Variants in HEY1 observed in about 807,000 individuals in gnomAD.
The protein encoded by HEY1 is hairy/enhancer-of-split related with YRPW motif protein 1.
Under a neutral mutation model 28.7 loss-of-function variants are expected in HEY1, and 9 were observed. That is an observed-to-expected ratio of 0.31 (90% CI 0.19 to 0.55). The LOEUF (loss-of-function observed/expected upper bound fraction) is 0.55. Among genes scored for constraint, HEY1 ranks in the 20% least tolerant of loss-of-function variants. The pLI is 0.93. For synonymous variants in HEY1, 213 were observed against 175.6 expected (o/e 1.21, Z -1.68); for missense variants, 385 against 399.4 (o/e 0.96, Z 0.31).
At position 79,765,685 on chromosome 8, in the gene HEY1, T is replaced by C. The variant is rs1169332197; in HGVS notation, c.418A>G (p.Ile140Val). The C allele has an allele frequency of 6.2e-7, 1 of 1,614,124 alleles. No homozygotes were observed. The highest frequency in any genetic ancestry group is 8.5e-7 in the Non-Finnish European group (1 of 1,180,046). ...CLAEVARYLSIIEGLDASDPL... is the reference protein window; with the variant it reads ...CLAEVARYLSVIEGLDASDPL... The stretch of plus-strand genomic sequence containing the variant: ...TCAGAGGCATCTAGTCCTTCAATGA[T>C]GCTCAGATAACGCGCAACTTCTGCC... Residue 140 changes from isoleucine (I) to valine (V), a missense_variant, in exon 5 of 5, where the codon ATC becomes GTC. Ile to Val is a conservative substitution (Grantham distance 29). Coordinates refer to ENST00000354724, the MANE Select transcript of HEY1 (RefSeq NM_012258.4).
chr8:79,766,503 T>C lies in HEY1; in HGVS notation c.331+148A>G. 7.3e-6 allele frequency: 11 copies of C among 1,510,522 alleles called. No individual in the cohort carries two copies. The East Asian group carries it at 2.3e-4, about 31-fold the overall frequency. The allele number at this position is 1,510,522 out of a possible 1,614,324, so 93.6% of individuals were successfully genotyped here. A position where few individuals can be genotyped will look rare whatever the true frequency, so the allele number is the denominator to read the frequency against. Reference sequence around the variant, plus strand: ...AGAAGATTCTATGTGCATTCGAAAATGTACTGACAGGGAACTGCACACACC... The same window carrying C: ...AGAAGATTCTATGTGCATTCGAAAACGTACTGACAGGGAACTGCACACACC... On this transcript the variant is annotated intron_variant, in intron 4 of 4. Coordinates refer to ENST00000354724, the MANE Select transcript of HEY1 (RefSeq NM_012258.4).
At chr8:79,766,850 G>A (rs1807854003) in intron 3 of HEY1, 118 bp from the exon 4 acceptor site, 3 of 1,289,902 alleles carry the variant, frequency 2.3e-6, no homozygotes, top group Admixed American at 3.5e-5. Context: ...ATGGACTAAA[G>A]CAAAATCAGT....
At position 79,765,466 on chromosome 8, in the gene HEY1, G is replaced by A; in HGVS notation, c.637C>T (p.Pro213Ser). 1.2e-6 allele frequency: 2 copies of A among 1,613,342 alleles called. No homozygotes were observed. The highest frequency in any genetic ancestry group is 1.7e-5 in the Admixed American group (1 of 59,994). ...NAGTTASPTE[P>S]HHQGRLGSAH... ...GAGCCCAGCCTGCCCTGGTGGTGCG[G>A]TTCCGTGGGTGAGGCCGTGGTGCCC... is the stretch of plus-strand genomic sequence containing the variant. The change falls in exon 5 of 5, where the codon CCG (proline) becomes TCG (serine). Residue 213 changes from proline (P) to serine (S), a missense_variant. Around this residue, in one of 3 missense-constraint regions of HEY1, gnomAD observed 223 missense variants for 215.9 expected, o/e 1.03. Transcript: ENST00000354724.
In HEY1 at chr8:79,764,738, A is replaced by G. The variant is rs1038766311; in HGVS notation, c.*450T>C. On this transcript the variant is annotated 3_prime_UTR_variant, in exon 5 of 5. Coordinates refer to ENST00000354724, the MANE Select transcript of HEY1 (RefSeq NM_012258.4). ...CACCTTAATCTGTCAAAATATTAAC[A>G]AACAGAATCATGTTAACATTAAGCA... The G allele has an allele frequency of 9.0e-6, 2 of 222,572 alleles. No individual in the cohort carries two copies. The highest frequency in any genetic ancestry group is 9.0e-6 in the Non-Finnish European group (1 of 111,506). 13.8% of individuals were successfully genotyped at this position (222,572 alleles called of 1,614,324 possible).
At position 79,767,234 on chromosome 8, in the gene HEY1, T is replaced by A; in HGVS notation, c.150A>T (p.Arg50Ser). The part of the protein sequence containing the change: ...SPTTSSQILA[R>S]KRRRGIIEKR... Reference sequence around the variant, plus strand: ...AGAGACTCACTCCTCTCCGTCTTTTTCTGGCCAAAATCTGGGAAGATGTAG... The same window carrying A: ...AGAGACTCACTCCTCTCCGTCTTTTACTGGCCAAAATCTGGGAAGATGTAG... The change falls in exon 2 of 5, where the codon AGA (arginine) becomes AGT (serine). Residue 50 changes from arginine to serine, a missense_variant. Arg to Ser is a moderately radical substitution (Grantham distance 110, BLOSUM62 -1). Coordinates refer to ENST00000354724, the MANE Select transcript of HEY1 (RefSeq NM_012258.4). 1.2e-6 allele frequency: 2 copies of A among 1,613,850 alleles called. No homozygotes were observed. The highest frequency in any genetic ancestry group is 1.7e-6 in the Non-Finnish European group (2 of 1,179,798).
intron 4 of HEY1, 129 bp downstream of exon 4, chr8:79,766,522 A>T: frequency 2.0e-6 from 3 of 1,528,122 alleles, no homozygotes; most frequent in Non-Finnish European, 2.6e-6. Context: ...AGGGAACTGC[A>T]CACACCACAC....
chr8:79,766,097 A>G, intron 4 of HEY1: 1 of 855,260 alleles, frequency 1.2e-6, no homozygotes. Context: ...GAAACCACAG[A>G]GCAGTGAAAT....
Position 79,767,758 on chromosome 8 carries a change from C to G in HEY1, c.-95G>C. ...TCTCCGCTCTCGGCTGCTTGCGTTC[C>G]GCACACACTGATCCCGCTCACGCTT... On this transcript the variant is annotated 5_prime_UTR_variant, in exon 1 of 5. Coordinates refer to ENST00000354724, the MANE Select transcript of HEY1 (RefSeq NM_012258.4). 2.4e-6 allele frequency: 2 copies of G among 838,588 alleles called. No homozygotes were observed. Among genetic ancestry groups the G allele is most frequent in the South Asian group, 2.9e-5 (2 of 68,402 alleles). 51.9% of individuals were successfully genotyped at this position (838,588 alleles called of 1,614,324 possible). A position where few individuals can be genotyped will look rare whatever the true frequency, so the allele number is the denominator to read the frequency against.
intron 4 of HEY1, chr8:79,766,096 G>A (rs974299130): frequency 2.9e-5 from 25 of 852,820 alleles, no homozygotes; most frequent in Non-Finnish European, 4.4e-5. Flanking sequence ...AGAAACCACA[G>A]AGCAGTGAAA....
At position 79,764,410 on chromosome 8, in the gene HEY1, T is replaced by C. The variant is rs888762720; in HGVS notation, c.*778A>G. ...TCTTTGTGTTGCTGGGGCTGGTAAA[T>C]GCAGGCGTATTCTATTCAATTACCT... On this transcript the variant is annotated 3_prime_UTR_variant, in exon 5 of 5. Transcript: ENST00000354724. 4.0e-5 allele frequency: 9 copies of C among 226,588 alleles called. No homozygotes were observed. Among genetic ancestry groups the C allele is most frequent in the African/African-American group, 1.8e-4 (8 of 44,984 alleles). The allele number at this position is 226,588 out of a possible 1,614,324, so 14.0% of individuals were successfully genotyped here.
Position 79,767,102 on chromosome 8 carries a change from G to A in HEY1, c.166-10C>T, listed in dbSNP as rs761046347. 5 of 1,611,494 alleles carry A rather than the reference G, an allele frequency of 3.1e-6. No individual in the cohort carries two copies. Among genetic ancestry groups the A allele is most frequent in the African/African-American group, 2.7e-5 (2 of 74,778 alleles). On this transcript the variant is annotated splice_polypyrimidine_tract_variant and intron_variant, in intron 2 of 4. Transcript: ENST00000354724. ...GGCGCTTCTCAATTATCTGCAGAAG[G>A]CAAGCAAAACAAAGGAAGGCATTAC...
In HEY1 at chr8:79,765,610, G is replaced by A; in HGVS notation, c.493C>T (p.Arg165Trp). Residue 165 changes from arginine to tryptophan, a missense_variant, in exon 5 of 5, where the codon CGG (arginine) becomes TGG (tryptophan). Arg to Trp is a moderately radical substitution (Grantham distance 101). This residue lies in a region of HEY1 where 223 missense variants were observed against 215.9 expected (regional missense o/e 1.03). Transcript: ENST00000354724. Reference sequence around the variant, plus strand: ...GCGTGGGCGCCGCTCGCGGCTTCCCGCTGGGAAGCGTAGTTGTTGAGATGC... The same window carrying A: ...GCGTGGGCGCCGCTCGCGGCTTCCCACTGGGAAGCGTAGTTGTTGAGATGC... ...VSHLNNYASQ[R>W]EAASGAHAGL... 2 of 1,614,134 alleles carry A rather than the reference G, an allele frequency of 1.2e-6. No individual in the cohort carries two copies. Among genetic ancestry groups the A allele is most frequent in the Non-Finnish European group, 1.7e-6 (2 of 1,180,038 alleles).
At position 79,767,726 on chromosome 8, in the gene HEY1, C is replaced by CGGAGA; in HGVS notation, c.-64_-63insTCTCC. Reference sequence around the variant, plus strand: ...GCGGGCAGGGAGGAGTTAACTACAGCGGCGCCTCTCCGCTCTCGGCTGCTT... The same window carrying CGGAGA: ...GCGGGCAGGGAGGAGTTAACTACAGCGGAGAGGCGCCTCTCCGCTCTCGGCTGCTT... On this transcript the variant is annotated 5_prime_UTR_variant, in exon 1 of 5. Coordinates refer to ENST00000354724, the MANE Select transcript of HEY1 (RefSeq NM_012258.4). 8.3e-7 allele frequency: 1 copy of CGGAGA among 1,209,362 alleles called. No individual in the cohort carries two copies. The highest frequency in any genetic ancestry group is 1.2e-6 in the Non-Finnish European group (1 of 845,568). The allele number at this position is 1,209,362 out of a possible 1,614,324, so 74.9% of individuals were successfully genotyped here. A position where few individuals can be genotyped will look rare whatever the true frequency, so the allele number is the denominator to read the frequency against.
In HEY1 at chr8:79,767,156, A is replaced by G. The variant is rs1253274875; in HGVS notation, c.165+63T>C. ...TACGACTGTAAATTTCAAAGACAAA[A>G]AAAAAGGTGGTTATTTCCGTTAATC... On this transcript the variant is annotated intron_variant, in intron 2 of 4. Transcript: ENST00000354724. 1.9e-6 allele frequency: 3 copies of G among 1,589,974 alleles called. No individual in the cohort carries two copies. The African/African-American group carries it at 4.1e-5, about 21-fold the overall frequency.
At chr8:79,766,607 CTT>C (rs757834786) in intron 4 of HEY1, 42 bp downstream of exon 4, 3 of 1,612,036 alleles carry the variant, frequency 1.9e-6, no homozygotes, top group Non-Finnish European at 2.5e-6. Context: ...GCTGCTCACT[CTT>C]TGCCAACCAT....
intron 3 of HEY1, 130 bp downstream of exon 3, chr8:79,766,879 T>C: frequency 8.5e-7 from 1 of 1,181,796 alleles, no homozygotes; most frequent in Non-Finnish European, 1.2e-6. Flanking sequence ...CAAAATACGC[T>C]GGTATCTGTG....
At chr8:79,766,149 A>T in intron 4 of HEY1, 1 of 1,312,908 alleles carries the variant, frequency 7.6e-7, no homozygotes, top group Non-Finnish European at 1.0e-6. Context: ...CGGAGCTTTT[A>T]GGCACTTGGA....
At chr8:79,765,833 C>T in intron 4 of HEY1, 62 bp from the exon 5 acceptor site, 1 of 1,399,370 alleles carries the variant, frequency 7.1e-7, no homozygotes, top group Non-Finnish European at 9.7e-7. Flanking sequence ...TTCTTAAGTC[C>T]CAGAGACAGC....
chr8:79,765,040 C>A lies in HEY1; in HGVS notation c.*148G>T. 18 of 552,066 alleles carry A rather than the reference C, an allele frequency of 3.3e-5. No homozygotes were observed. The highest frequency in any genetic ancestry group is 1.2e-4 in the East Asian group (4 of 32,458). The allele number at this position is 552,066 out of a possible 1,614,324, so 34.2% of individuals were successfully genotyped here. On this transcript the variant is annotated 3_prime_UTR_variant, in exon 5 of 5. Coordinates refer to ENST00000354724, the MANE Select transcript of HEY1 (RefSeq NM_012258.4). Reference sequence around the variant, plus strand: ...AACATTAAAAAAGATAAAAGTAAACCAACAAACCTTTAGTCTTTAAAAAAA... The same window carrying A: ...AACATTAAAAAAGATAAAAGTAAACAAACAAACCTTTAGTCTTTAAAAAAA...
Sources: gnomAD v4.1 joint callset for allele counts on GRCh38, gnomAD v4.1.1 for gene constraint, gnomAD v4.1.1 regional missense constraint, MANE v1.5 for transcripts, NCBI Gene and HGNC (gene_info 2026-07-23, HGNC 2026-07-21) for gene names.